Variants in SPEM1 observed in about 807,000 individuals in gnomAD.
The protein encoded by SPEM1 is spermatid maturation 1.
Under a neutral mutation model 9.0 loss-of-function variants are expected in SPEM1, and 10 were observed. That is an observed-to-expected ratio of 1.11 (90% CI 0.68 to 1.88). The LOEUF is 1.88. Ranked by LOEUF, SPEM1 falls within the 40% of genes most tolerant of loss-of-function variation. The probability of loss-of-function intolerance (pLI) is 0.00; values close to 1 mark genes in which losing one functional copy is unlikely to be tolerated. For missense variants in SPEM1, 401 were observed against 408.6 expected (o/e 0.98, Z 0.16); for synonymous variants, 175 against 157.8 (o/e 1.11, Z -0.82).
chr17:7,421,253 G>T lies in SPEM1; in HGVS notation c.578G>T (p.Gly193Val). 1.9e-6 allele frequency: 3 copies of T among 1,614,098 alleles called. No homozygotes were observed. Among genetic ancestry groups the T allele is most frequent in the Non-Finnish European group, 2.5e-6 (3 of 1,180,022 alleles). Reference sequence around the variant, plus strand: ...GTAGAGGAAAGGCCCCTCAAAACAGGCATATGGTCCGAGCTGGGCCTAAGG... The same window carrying T: ...GTAGAGGAAAGGCCCCTCAAAACAGTCATATGGTCCGAGCTGGGCCTAAGG... ...PTVEERPLKT[G>V]IWSELGLRAY... is the part of the protein sequence containing the mutation. The change falls in exon 3 of 3, where the codon GGC becomes GTC. Residue 193 changes from glycine to valine, a missense_variant. Transcript: ENST00000323675. The surrounding 1 kb of genome is among the most constrained non-coding windows in gnomAD (Gnocchi z 4.8).
Position 7,420,651 on chromosome 17 carries a change from T to C in SPEM1, c.169T>C (p.Leu57=). 1 of 1,614,092 alleles carries C rather than the reference T, an allele frequency of 6.2e-7. No individual in the cohort carries two copies. Among genetic ancestry groups the C allele is most frequent in the Non-Finnish European group, 8.5e-7 (1 of 1,179,998 alleles). ...TLLWSRFRGV[L]YQVFHDTICE... ...GCTCTGGAGCCGATTCCGTGGTGTCTTATACCAAGTGTTCCATGATACCAT... is the reference window on the plus strand; with the variant it reads ...GCTCTGGAGCCGATTCCGTGGTGTCCTATACCAAGTGTTCCATGATACCAT... Residue 57 remains leucine, a synonymous_variant, in exon 2 of 3, where the codon TTA becomes CTA. Transcript: ENST00000323675.
In SPEM1 at chr17:7,421,146, C is replaced by T. The variant is rs551023134; in HGVS notation, c.471C>T (p.Phe157=). 1 of 1,614,016 alleles carries T rather than the reference C, an allele frequency of 6.2e-7. No homozygotes were observed. Among genetic ancestry groups the T allele is most frequent in the African/African-American group, 1.3e-5 (1 of 75,032 alleles). ...HWDVPEDWEG[F]QHTQGTWVPW... ...ATGTCCCTGAGGACTGGGAAGGCTTCCAACACACTCAGGGGACCTGGGTTC... is the reference window on the plus strand; with the variant it reads ...ATGTCCCTGAGGACTGGGAAGGCTTTCAACACACTCAGGGGACCTGGGTTC... Residue 157 remains phenylalanine, a synonymous_variant, in exon 3 of 3, where the codon TTC becomes TTT. Coordinates refer to ENST00000323675, the MANE Select transcript of SPEM1 (RefSeq NM_199339.3). The surrounding 1 kb of genome is among the most constrained non-coding windows in gnomAD (Gnocchi z 4.8).
In SPEM1 at chr17:7,420,364, C is replaced by G. The variant is rs1022445778; in HGVS notation, c.-21C>G. The stretch of plus-strand genomic sequence containing the variant: ...CACGGTGGGCTGGGGGCGTAAGGGC[C>G]CCGGTGGTCCTAGGGACCCCATGGC... On this transcript the variant is annotated 5_prime_UTR_variant, in exon 1 of 3. Transcript: ENST00000323675. 6.1e-6 allele frequency: 9 copies of G among 1,484,672 alleles called. No homozygotes were observed. The African/African-American group carries it at 1.3e-4, about 21-fold the overall frequency. The allele number at this position is 1,484,672 out of a possible 1,614,324, so 92.0% of individuals were successfully genotyped here. A position where few individuals can be genotyped will look rare whatever the true frequency, so the allele number is the denominator to read the frequency against.
chr17:7,420,544 G>A lies in SPEM1; in HGVS notation c.144+16G>A, dbSNP rs1404092361. 5 of 1,613,646 alleles carry A rather than the reference G, an allele frequency of 3.1e-6. No individual in the cohort carries two copies. The highest frequency in any genetic ancestry group is 4.2e-6 in the Non-Finnish European group (5 of 1,179,656). On this transcript the variant is annotated intron_variant, in intron 1 of 2. Coordinates refer to ENST00000323675, the MANE Select transcript of SPEM1 (RefSeq NM_199339.3). ...AGTGACCCTGGTCAGGGTGGGGCCAGATGGGAGGGAGCTGGTGGGATAGTG... is the reference window on the plus strand; with the variant it reads ...AGTGACCCTGGTCAGGGTGGGGCCAAATGGGAGGGAGCTGGTGGGATAGTG...
In SPEM1 at chr17:7,421,438, C is replaced by A; in HGVS notation, c.763C>A (p.Arg255Ser). 6 of 1,609,120 alleles carry A rather than the reference C, an allele frequency of 3.7e-6. No individual in the cohort carries two copies. Among genetic ancestry groups the A allele is most frequent in the Non-Finnish European group, 5.1e-6 (6 of 1,176,744 alleles). Reference sequence around the variant, plus strand: ...AGTCATCCCTGAATTTTCCCGGCACCGCTCCTCAGGCCGAATAGTGTATGA... The same window carrying A: ...AGTCATCCCTGAATTTTCCCGGCACAGCTCCTCAGGCCGAATAGTGTATGA... The part of the protein sequence containing the change: ...PAVIPEFSRH[R>S]SSGRIVYDAR... Residue 255 changes from arginine (R) to serine (S), a missense_variant, in exon 3 of 3, where the codon CGC (arginine) becomes AGC (serine). Physicochemically the swap from Arg to Ser is moderately radical, Grantham distance 110. Coordinates refer to ENST00000323675, the MANE Select transcript of SPEM1 (RefSeq NM_199339.3). The surrounding 1 kb of genome is among the most constrained non-coding windows in gnomAD (Gnocchi z 4.8).
chr17:7,421,321 G>T lies in SPEM1; in HGVS notation c.646G>T (p.Ala216Ser), dbSNP rs527389292. ...GAACCCCCCACCTCCCAGCCCTGAG[G>T]CTCCTAGCCACAAGAACGGTGGGGA... Reference protein sequence around the residue: ...PVNPPPPSPEAPSHKNGGEGA... With the variant: ...PVNPPPPSPESPSHKNGGEGA... Residue 216 changes from alanine (A) to serine (S), a missense_variant, in exon 3 of 3, where the codon GCT (alanine) becomes TCT (serine). Transcript: ENST00000323675. This position sits in a 1 kb window ranked among gnomAD's most constrained non-coding sequence, Gnocchi z 4.8. 4.3e-6 allele frequency: 7 copies of T among 1,614,026 alleles called. No homozygotes were observed. In the South Asian group the frequency reaches 6.6e-5, roughly 15 times the overall value.
chr17:7,421,008 C>A lies in SPEM1; in HGVS notation c.333C>A (p.Arg111=), dbSNP rs147525723. ...CTGTGTCCCCGCCCCCAGCTCACCG[C>A]CATCGCCGTCGAGGCTCTCCCACAC... The part of the protein sequence containing the change: ...MMTVSPPPAH[R]HRRRGSPTRC... Residue 111 remains arginine (R), a synonymous_variant, in exon 3 of 3, where the codon CGC becomes CGA. Coordinates refer to ENST00000323675, the MANE Select transcript of SPEM1 (RefSeq NM_199339.3). This position sits in a 1 kb window ranked among gnomAD's most constrained non-coding sequence, Gnocchi z 4.8. The A allele has an allele frequency of 1.3e-4, 205 of 1,614,154 alleles. No homozygotes were observed. The African/African-American group carries it at 2.5e-3, about 20-fold the overall frequency.
chr17:7,421,021 G>A lies in SPEM1; in HGVS notation c.346G>A (p.Gly116Ser), dbSNP rs61741352. ...PPPAHRHRRRGSPTRCAHCPV... is the reference protein window; with the variant it reads ...PPPAHRHRRRSSPTRCAHCPV... ...CCCAGCTCACCGCCATCGCCGTCGA[G>A]GCTCTCCCACACGCTGTGCTCACTG... is the stretch of plus-strand genomic sequence containing the variant. Residue 116 changes from glycine to serine, a missense_variant, in exon 3 of 3, where the codon GGC (glycine) becomes AGC (serine). By Grantham distance (56) the Gly-to-Ser change is moderately conservative. Coordinates refer to ENST00000323675, the MANE Select transcript of SPEM1 (RefSeq NM_199339.3). This position sits in a 1 kb window ranked among gnomAD's most constrained non-coding sequence, Gnocchi z 4.8. The A allele has an allele frequency of 7.5e-3, 12,119 of 1,614,082 alleles. 736 individuals are homozygous for A. The African/African-American group carries it at 0.14, about 19-fold the overall frequency.
At chr17:7,420,591 G>T in intron 1 of SPEM1, 36 bp from the exon 2 acceptor site, 1 of 1,614,088 alleles carries the variant, frequency 6.2e-7, no homozygotes, top group Non-Finnish European at 8.5e-7. Flanking sequence ...TGCCGGCCAG[G>T]GCCTACCTGG....
Position 7,420,969 on chromosome 17 carries a change from C to A in SPEM1, c.294C>A (p.Asp98Glu), listed in dbSNP as rs577986319. The change falls in exon 3 of 3, where the codon GAC (aspartate) becomes GAA (glutamate). Residue 98 changes from aspartate to glutamate, a missense_variant. Asp to Glu is a conservative substitution (Grantham distance 45, BLOSUM62 2). Coordinates refer to ENST00000323675, the MANE Select transcript of SPEM1 (RefSeq NM_199339.3). ...CAGTCCATCTTCGGTGCACCATGGACCCTGTGATGATGACTGTGTCCCCGC... is the reference window on the plus strand; with the variant it reads ...CAGTCCATCTTCGGTGCACCATGGAACCTGTGATGATGACTGTGTCCCCGC... ...SPAVHLRCTM[D>E]PVMMTVSPPP... 2.4e-5 allele frequency: 38 copies of A among 1,614,142 alleles called. No homozygotes were observed. The South Asian group carries it at 4.0e-4, about 17-fold the overall frequency.
Position 7,420,817 on chromosome 17 carries a change from C to A in SPEM1, c.206-64C>A, listed in dbSNP as rs201721956. On this transcript the variant is annotated intron_variant, in intron 2 of 2. Coordinates refer to ENST00000323675, the MANE Select transcript of SPEM1 (RefSeq NM_199339.3). ...TAGCTGTGTGGCTGCCCTTCCTGGG[C>A]CCTGCCTCTCCATGCCTGTAGGAGC... 2,245 of 1,602,380 alleles carry A rather than the reference C, an allele frequency of 1.4e-3. 5 individuals are homozygous for A. The highest frequency in any genetic ancestry group is 1.7e-3 in the Non-Finnish European group (2,001 of 1,174,976).
chr17:7,421,016 G>A lies in SPEM1; in HGVS notation c.341G>A (p.Arg114His), dbSNP rs201176094. The A allele has an allele frequency of 1.1e-4, 177 of 1,614,104 alleles. No individual in the cohort carries two copies. The highest frequency in any genetic ancestry group is 3.8e-4 in the East Asian group (17 of 44,878). The change falls in exon 3 of 3, where the codon CGT (arginine) becomes CAT (histidine). Residue 114 changes from arginine to histidine, a missense_variant. Transcript: ENST00000323675. This position sits in a 1 kb window ranked among gnomAD's most constrained non-coding sequence, Gnocchi z 4.8. ...CCGCCCCCAGCTCACCGCCATCGCC[G>A]TCGAGGCTCTCCCACACGCTGTGCT... ...VSPPPAHRHR[R>H]RGSPTRCAHC...
Position 7,421,034 on chromosome 17 carries a change from G to A in SPEM1, c.359G>A (p.Arg120His), listed in dbSNP as rs1907375596. 6.8e-6 allele frequency: 11 copies of A among 1,613,962 alleles called. No individual in the cohort carries two copies. The highest frequency in any genetic ancestry group is 2.2e-5 in the East Asian group (1 of 44,900). Residue 120 changes from arginine to histidine, a missense_variant, in exon 3 of 3, where the codon CGC (arginine) becomes CAC (histidine). Physicochemically the swap from Arg to His is conservative, Grantham distance 29. Coordinates refer to ENST00000323675, the MANE Select transcript of SPEM1 (RefSeq NM_199339.3). This position sits in a 1 kb window ranked among gnomAD's most constrained non-coding sequence, Gnocchi z 4.8. ...HRHRRRGSPT[R>H]CAHCPVAWAP... ...CATCGCCGTCGAGGCTCTCCCACACGCTGTGCTCACTGCCCAGTAGCTTGG... is the reference window on the plus strand; with the variant it reads ...CATCGCCGTCGAGGCTCTCCCACACACTGTGCTCACTGCCCAGTAGCTTGG...
At chr17:7,420,797 G>A (rs1471248269) in intron 2 of SPEM1, 84 bp from the exon 3 acceptor site, 1 of 1,601,030 alleles carries the variant, frequency 6.2e-7, no homozygotes, top group Non-Finnish European at 8.5e-7. Context: ...CAACATAGCT[G>A]TGTGGCTGCC....
Position 7,420,791 on chromosome 17 carries a change from A to G in SPEM1, c.206-90A>G, listed in dbSNP as rs533749181. 4 of 1,601,744 alleles carry G rather than the reference A, an allele frequency of 2.5e-6. No homozygotes were observed. In the East Asian group the frequency reaches 6.7e-5, roughly 27 times the overall value. ...TTCTTGCTCGCCCCTCTCAGACAAC[A>G]TAGCTGTGTGGCTGCCCTTCCTGGG... On this transcript the variant is annotated intron_variant, in intron 2 of 2. Transcript: ENST00000323675.
rs774282842 is a variant in SPEM1 at position 7,420,626 on chromosome 17, G to A, written c.145-1G>A. 7 of 1,614,178 alleles carry A rather than the reference G, an allele frequency of 4.3e-6. No individual in the cohort carries two copies. Among genetic ancestry groups the A allele is most frequent in the Non-Finnish European group, 5.9e-6 (7 of 1,180,014 alleles). Reference sequence around the variant, plus strand: ...GGATCACTGTGTCTTCCCCCACCTAGCTCTGGAGCCGATTCCGTGGTGTCT... The same window carrying A: ...GGATCACTGTGTCTTCCCCCACCTAACTCTGGAGCCGATTCCGTGGTGTCT... On this transcript the variant is annotated splice_acceptor_variant, in intron 1 of 2. Transcript: ENST00000323675. LOFTEE classifies it high-confidence loss of function.
chr17:7,420,433 T>A lies in SPEM1; in HGVS notation c.49T>A (p.Cys17Ser). 6.3e-7 allele frequency: 1 copy of A among 1,586,052 alleles called. No individual in the cohort carries two copies. Among genetic ancestry groups the A allele is most frequent in the Non-Finnish European group, 8.6e-7 (1 of 1,165,976 alleles). ...GCCCGAGTGGGCCTCGTATCACAAC[T>A]GCAACAGCAACAGCTGCCAGGACCT... ...PRPEWASYHN[C>S]NSNSCQDLGN... The change falls in exon 1 of 3, where the codon TGC (cysteine) becomes AGC (serine). Residue 17 changes from cysteine to serine, a missense_variant. Coordinates refer to ENST00000323675, the MANE Select transcript of SPEM1 (RefSeq NM_199339.3).
Position 7,421,109 on chromosome 17 carries a change from C to T in SPEM1, c.434C>T (p.Ser145Phe). 6.2e-7 allele frequency: 1 copy of T among 1,614,148 alleles called. No homozygotes were observed. Among genetic ancestry groups the T allele is most frequent in the Non-Finnish European group, 8.5e-7 (1 of 1,179,992 alleles). The change falls in exon 3 of 3, where the codon TCC (serine) becomes TTC (phenylalanine). Residue 145 changes from serine to phenylalanine, a missense_variant. Coordinates refer to ENST00000323675, the MANE Select transcript of SPEM1 (RefSeq NM_199339.3). This position sits in a 1 kb window ranked among gnomAD's most constrained non-coding sequence, Gnocchi z 4.8. ...CCTCATCAGTACCCAGCCATCTGCT[C>T]CTACCACTGGGATGTCCCTGAGGAC... ...EKPHQYPAIC[S>F]YHWDVPEDWE... is the part of the protein sequence containing the mutation.
chr17:7,420,483 G>T lies in SPEM1; in HGVS notation c.99G>T (p.Leu33=). ...QDLGNSVLLL[L]GLIICINISI... is the part of the protein sequence containing the mutation. ...TGGGCAACTCTGTCCTGTTGCTGCTGGGCCTCATCATCTGCATTAACATTA... is the reference window on the plus strand; with the variant it reads ...TGGGCAACTCTGTCCTGTTGCTGCTTGGCCTCATCATCTGCATTAACATTA... Residue 33 remains leucine (L), a synonymous_variant, in exon 1 of 3, where the codon CTG becomes CTT. Transcript: ENST00000323675. 1 of 1,611,460 alleles carries T rather than the reference G, an allele frequency of 6.2e-7. No homozygotes were observed. The highest frequency in any genetic ancestry group is 8.5e-7 in the Non-Finnish European group (1 of 1,178,718).
Sources: gnomAD v4.1 joint callset for allele counts on GRCh38, gnomAD v4.1.1 for gene constraint, Gnocchi (gnomAD v3.1) non-coding constraint, MANE v1.5 for transcripts, NCBI Gene and HGNC (gene_info 2026-07-23, HGNC 2026-07-21) for gene names.